Variants in CNTN3 observed in about 807,000 individuals in gnomAD.
CNTN3 encodes the protein contactin 3, also known as contactin-3.
A neutral mutation model predicts 119.1 loss-of-function variants in CNTN3; 60 were observed. The ratio of observed to expected loss-of-function variants is 0.50; its 90% confidence interval spans 0.41 to 0.62. The LOEUF is 0.62. CNTN3 is among the 20% of genes least tolerant of loss of function. The pLI is 0.00. For synonymous variants in CNTN3, 450 were observed against 438.7 expected, an observed-to-expected ratio of 1.03 and a Z score of -0.32; for missense variants, 1,101 against 1,242.4, an observed-to-expected ratio of 0.89 and a Z score of 1.71.
intron 17 of CNTN3, among the ~76,000 whole-genome samples, chr3:74,298,399 A>C (rs1408553190): frequency 6.6e-6 from 1 of 152,218 alleles, no homozygotes; most frequent in African/African-American, 2.4e-5. Context: ...TTTCATAGCC[A>C]TCCAGATAAT....
chr3:74,603,487 C>T (rs931084933), intron 1 of CNTN3, among the ~76,000 whole-genome samples: 2 of 152,116 alleles, frequency 1.3e-5, no homozygotes, highest in South Asian at 2.1e-4. Flanking sequence ...CAAAGCTGAC[C>T]CACAGCTCTC....
At chr3:74,465,300 CG>C (rs1702441232) in intron 4 of CNTN3, among the ~76,000 whole-genome samples, 1 of 152,034 alleles carries the variant, frequency 6.6e-6, no homozygotes, top group South Asian at 2.1e-4. Flanking sequence ...AAGTATCGTG[CG>C]GACAGGTAGA....
chr3:74,364,403 T>G, intron 10 of CNTN3, 64 bp downstream of exon 10: 1 of 1,491,806 alleles, frequency 6.7e-7, no homozygotes. Context: ...ATATTACTGC[T>G]TCTGGAAACA....
At chr3:74,500,511 A>AG (rs1346970927) in intron 2 of CNTN3, among the ~76,000 whole-genome samples, 1 of 151,222 alleles carries the variant, frequency 6.6e-6, no homozygotes, top group African/African-American at 2.4e-5. Context: ...ATTCGCCCAA[A>AG]AAAAAAAAAA....
At chr3:74,423,695 C>G (rs954122733) in intron 5 of CNTN3, among the ~76,000 whole-genome samples, 1 of 152,214 alleles carries the variant, frequency 6.6e-6, no homozygotes, top group African/African-American at 2.4e-5. Context: ...ACTTAAAGTT[C>G]TTCTGAAACA....
intron 2 of CNTN3, among the ~76,000 whole-genome samples, chr3:74,510,395 C>T (rs112329971): frequency 1.3e-5 from 2 of 152,144 alleles, no homozygotes; most frequent in African/African-American, 4.8e-5. Flanking sequence ...CATCTACACC[C>T]CGTGCACACC....
At chr3:74,506,254 A>G (rs1703256992) in intron 2 of CNTN3, among the ~76,000 whole-genome samples, 1 of 152,334 alleles carries the variant, frequency 6.6e-6, no homozygotes, top group South Asian at 2.1e-4. Flanking sequence ...CACTGGACTG[A>G]TTAACATTAG....
intron 19 of CNTN3, among the ~76,000 whole-genome samples, chr3:74,290,478 T>C (rs916368130): frequency 6.6e-6 from 1 of 152,210 alleles, no homozygotes; most frequent in Non-Finnish European, 1.5e-5. Flanking sequence ...CTTAAGCTGT[T>C]CAACAACCAC....
chr3:74,381,562 G>C (rs1704625280), intron 5 of CNTN3, among the ~76,000 whole-genome samples: 1 of 152,036 alleles, frequency 6.6e-6, no homozygotes, highest in Non-Finnish European at 1.5e-5. Flanking sequence ...TTTGAGAAAA[G>C]TGATAGAAAA....
At chr3:74,520,460 C>T (rs1242657844) in intron 2 of CNTN3, among the ~76,000 whole-genome samples, 1 of 151,296 alleles carries the variant, frequency 6.6e-6, no homozygotes, top group Non-Finnish European at 1.5e-5. Flanking sequence ...TCTTCACTTA[C>T]TTATTTCTCC....
At chr3:74,533,441 C>T (rs1703720858) in intron 1 of CNTN3, among the ~76,000 whole-genome samples, 2 of 151,996 alleles carry the variant, frequency 1.3e-5, no homozygotes. Flanking sequence ...AATTCTGGCA[C>T]TATGGGTGGT....
At position 74,369,322 on chromosome 3, in the gene CNTN3, G is replaced by A; in HGVS notation, c.813C>T (p.Ser271=). 6.2e-7 allele frequency: 1 copy of A among 1,609,258 alleles called. No individual in the cohort carries two copies. The highest frequency in any genetic ancestry group is 8.5e-7 in the Non-Finnish European group (1 of 1,177,760). ...CACTGAACTTCCTTAATTTAATTTT[G>A]CTGGAAAATGGCAGCCCATCACTTC... ...WRRSDGLPFS[S]KIKLRKFSGV... is the part of the protein sequence containing the mutation. The change falls in exon 8 of 23, where the codon AGC becomes AGT. Residue 271 remains serine, a synonymous_variant. Coordinates refer to ENST00000263665, the MANE Select transcript of CNTN3 (RefSeq NM_020872.3).
intron 5 of CNTN3, among the ~76,000 whole-genome samples, chr3:74,408,540 C>G (rs543418433): frequency 6.6e-6 from 1 of 152,236 alleles, no homozygotes; most frequent in South Asian, 2.1e-4. Flanking sequence ...CTAAAACTGG[C>G]TTGCTTTTTG....
rs116059809 is a variant in CNTN3, at chr3:74,318,831, C to T, written c.1668+15904G>A. Among the ~76,000 whole-genome samples, 978 of 152,212 alleles carry T rather than the reference C, an allele frequency of 6.4e-3. 5 individuals are homozygous for T. Among genetic ancestry groups the T allele is most frequent in the African/African-American group, 0.021 (892 of 41,526 alleles). On this transcript the variant is annotated intron_variant, in intron 13 of 22. Coordinates refer to ENST00000263665, the MANE Select transcript of CNTN3 (RefSeq NM_020872.3). The stretch of plus-strand genomic sequence containing the variant: ...GACTCACTTGAGGAGGCAATCTGCC[C>T]GTTCTCAGATTTCCAGCTGCATGCT...
chr3:74,521,886 A>G (rs1466629587), intron 1 of CNTN3, among the ~76,000 whole-genome samples: 4 of 151,844 alleles, frequency 2.6e-5, no homozygotes, highest in Admixed American at 6.6e-5. Flanking sequence ...TTCATGGTTA[A>G]TGATCAAGTA....
In CNTN3 at chr3:74,369,211, G is replaced by A. The variant is rs559561786; in HGVS notation, c.924C>T (p.Ala308=). 1.9e-6 allele frequency: 3 copies of A among 1,603,944 alleles called. No homozygotes were observed. Among genetic ancestry groups the A allele is most frequent in the African/African-American group, 2.7e-5 (2 of 74,294 alleles). ...IAENSRGKNV[A]RGRLTYYAKP... ...CACCATAGTAAGTGAGACGCCCTCT[G>A]GCAACATTTTTTCCTCGTGAATTCT... The change falls in exon 8 of 23, where the codon GCC becomes GCT. Residue 308 remains alanine (A), a synonymous_variant. Transcript: ENST00000263665.
chr3:74,388,086 CT>C (rs1231450845), intron 5 of CNTN3, among the ~76,000 whole-genome samples: 2 of 152,252 alleles, frequency 1.3e-5, no homozygotes, highest in East Asian at 3.9e-4. Flanking sequence ...AGCACTGGCT[CT>C]TGGAATAGCC....
chr3:74,537,996 A>T, intron 1 of CNTN3, among the ~76,000 whole-genome samples: 1 of 152,236 alleles, frequency 6.6e-6, no homozygotes, highest in South Asian at 2.1e-4. Flanking sequence ...CCCATGGCCC[A>T]TCCTTCTAAG....
intron 2 of CNTN3, among the ~76,000 whole-genome samples, chr3:74,501,169 A>G (rs773164009): frequency 6.6e-6 from 1 of 151,728 alleles, no homozygotes. Flanking sequence ...GCCACACCCA[A>G]TAGTCTTGCC....
Sources: gnomAD v4.1 joint callset for allele counts (sites outside exome capture counted in the v4.1 genomes callset) on GRCh38, gnomAD v4.1.1 for gene constraint, MANE v1.5 for transcripts, NCBI Gene and HGNC (gene_info 2026-07-23, HGNC 2026-07-21) for gene names.